Variants in BTBD9 observed in about 807,000 individuals in gnomAD.
BTBD9 encodes the protein BTB/POZ domain-containing protein 9.
Under a neutral mutation model 64.3 loss-of-function variants are expected in BTBD9, and 49 were observed. The ratio of observed to expected loss-of-function variants is 0.76; its 90% CI spans 0.61 to 0.97. The LOEUF (loss-of-function observed/expected upper bound fraction) is 0.97, where lower values mean the gene tolerates loss of function less well. Among genes scored for constraint, BTBD9 ranks in the 50% least tolerant of loss-of-function variants. The pLI is 0.00. For synonymous variants in BTBD9, 260 were observed against 274.7 expected (o/e 0.95, Z 0.53); for missense variants, 598 against 762.1 (o/e 0.78, Z 2.53).
chr6:38,381,455 A>G (rs1211481283), intron 6 of BTBD9, among the ~76,000 whole-genome samples: 1 of 152,230 alleles, frequency 6.6e-6, no homozygotes, highest in Non-Finnish European at 1.5e-5. Flanking sequence ...TTCAAAATAT[A>G]CTAAGCAAAA....
At chr6:38,545,356 G>C (rs949798302) in intron 6 of BTBD9, among the ~76,000 whole-genome samples, 6 of 152,196 alleles carry the variant, frequency 3.9e-5, no homozygotes, top group African/African-American at 1.4e-4. Context: ...ACCATGTCCG[G>C]CCATGACTGG....
chr6:38,417,255 A>G (rs1328674776), intron 6 of BTBD9, among the ~76,000 whole-genome samples: 3 of 152,178 alleles, frequency 2.0e-5, no homozygotes, highest in African/African-American at 7.2e-5. Flanking sequence ...GACCTCTTCT[A>G]TTTGTAAAGG....
intron 8 of BTBD9, among the ~76,000 whole-genome samples, chr6:38,287,105 AAT>A (rs1554135408): frequency 2.0e-5 from 2 of 100,242 alleles, no homozygotes; most frequent in Non-Finnish European, 4.1e-5. Context: ...AAAAAAAAAA[AAT>A]ATACACACAC....
chr6:38,426,153 A>C (rs570948845), intron 6 of BTBD9, among the ~76,000 whole-genome samples: 1 of 151,876 alleles, frequency 6.6e-6, no homozygotes, highest in Non-Finnish European at 1.5e-5. Flanking sequence ...TGTGGTATTG[A>C]GAAACAGGAC....
At chr6:38,193,455 CTCTG>C (rs1762167301) in intron 9 of BTBD9, among the ~76,000 whole-genome samples, 1 of 152,192 alleles carries the variant, frequency 6.6e-6, no homozygotes, top group African/African-American at 2.4e-5. Context: ...ACTGGCCTGA[CTCTG>C]TCTGGGTGGT....
intron 6 of BTBD9, among the ~76,000 whole-genome samples, chr6:38,457,591 T>C (rs889068117): frequency 4.7e-5 from 7 of 150,200 alleles, no homozygotes; most frequent in African/African-American, 1.5e-4. Flanking sequence ...ATTGGAGGAG[T>C]GAAAAATCAA....
intron 6 of BTBD9, among the ~76,000 whole-genome samples, chr6:38,485,666 C>T (rs928892934): frequency 6.6e-6 from 1 of 152,148 alleles, no homozygotes; most frequent in Non-Finnish European, 1.5e-5. Flanking sequence ...AACAGATGTG[C>T]AGTCATCCAG....
chr6:38,497,654 A>G (rs1299674491), intron 6 of BTBD9, among the ~76,000 whole-genome samples: 1 of 152,208 alleles, frequency 6.6e-6, no homozygotes, highest in Non-Finnish European at 1.5e-5. Flanking sequence ...TGAGAAGAAT[A>G]AAGTATTCAG....
intron 8 of BTBD9, among the ~76,000 whole-genome samples, chr6:38,267,790 A>C (rs1310556032): frequency 6.6e-6 from 1 of 152,166 alleles, no homozygotes; most frequent in Admixed American, 6.5e-5. Flanking sequence ...AATACAAAAA[A>C]TTAGCTGGGC....
chr6:38,217,842 G>A (rs76898981), intron 9 of BTBD9, among the ~76,000 whole-genome samples: 10,498 of 152,068 alleles, frequency 0.069, 398 homozygotes, highest in African/African-American at 0.078. Flanking sequence ...AGGGAGCTGC[G>A]CAAGTCAAAC....
chr6:38,483,935 C>A (rs1647246209), intron 6 of BTBD9, among the ~76,000 whole-genome samples: 1 of 152,170 alleles, frequency 6.6e-6, no homozygotes, highest in Non-Finnish European at 1.5e-5. Flanking sequence ...TATGACTAGT[C>A]AGTATCACAT....
At chr6:38,221,042 C>T (rs972256250) in intron 9 of BTBD9, among the ~76,000 whole-genome samples, 1 of 152,200 alleles carries the variant, frequency 6.6e-6, no homozygotes, top group Non-Finnish European at 1.5e-5. Context: ...ATGATTTAAC[C>T]TTTCAGCCAA....
chr6:38,190,467 TAAAA>T (rs70981527), intron 10 of BTBD9, among the ~76,000 whole-genome samples: 5 of 77,514 alleles, frequency 6.5e-5, no homozygotes, highest in Admixed American at 1.6e-4. Context: ...AAACTCTGTC[TAAAA>T]AAAAAAAAAA....
chr6:38,505,829 G>A (rs1772461552), intron 6 of BTBD9, among the ~76,000 whole-genome samples: 1 of 151,530 alleles, frequency 6.6e-6, no homozygotes, highest in African/African-American at 2.4e-5. Flanking sequence ...GCCAGGTGTG[G>A]TGGCATGCGT....
chr6:38,546,039 G>A (rs973802702), intron 6 of BTBD9, among the ~76,000 whole-genome samples: 15 of 152,090 alleles, frequency 9.9e-5, no homozygotes, highest in African/African-American at 3.6e-4. Flanking sequence ...GTAAGAAGTG[G>A]TTCCAATTCT....
rs869155666 is a variant in BTBD9 at position 38,171,846 on chromosome 6, C to CAAAAAAAAAAAAAAA, written c.*3124_*3138dup. On this transcript the variant is annotated 3_prime_UTR_variant, in exon 11 of 11. Coordinates refer to ENST00000481247, the MANE Select transcript of BTBD9 (RefSeq NM_001099272.2). ...TCCAATGAAGTTGCCTTTCTACTCT[C>CAAAAAAAAAAAAAAA]AAAAAAAAAAAAAAAAAAAAAAAAA... 10 of 79,202 alleles carry CAAAAAAAAAAAAAAA rather than the reference C, an allele frequency of 1.3e-4. No individual in the cohort carries two copies. The highest frequency in any genetic ancestry group is 6.2e-4 in the South Asian group (1 of 1,622). The allele number at this position is 79,202 out of a possible 1,614,324, so 4.9% of individuals were successfully genotyped here. A position where few individuals can be genotyped will look rare whatever the true frequency, so the allele number is the denominator to read the frequency against.
chr6:38,492,786 T>C (rs973006452), intron 6 of BTBD9, among the ~76,000 whole-genome samples: 2 of 152,210 alleles, frequency 1.3e-5, no homozygotes, highest in African/African-American at 4.8e-5. Context: ...TAAAGTTGCA[T>C]TTTGCTCTAA....
chr6:38,213,304 C>T (rs376649825), intron 9 of BTBD9, among the ~76,000 whole-genome samples: 12 of 152,068 alleles, frequency 7.9e-5, no homozygotes, highest in East Asian at 3.9e-4. Flanking sequence ...CCCTCTCCAG[C>T]CATTAAGGGC....
chr6:38,549,036 C>T (rs1179605802), intron 6 of BTBD9, among the ~76,000 whole-genome samples: 3 of 152,166 alleles, frequency 2.0e-5, no homozygotes, highest in Non-Finnish European at 4.4e-5. Flanking sequence ...AATCTAGCCT[C>T]TCAGTATAAA....
Sources: gnomAD v4.1 joint callset for allele counts (sites outside exome capture counted in the v4.1 genomes callset) on GRCh38, gnomAD v4.1.1 for gene constraint, MANE v1.5 for transcripts, NCBI Gene and HGNC (gene_info 2026-07-23, HGNC 2026-07-21) for gene names.